The following NMNAT3 variants were observed in gnomAD, a reference collection of about 807,000 sequenced individuals.
NMNAT3 encodes the protein nicotinamide nucleotide adenylyltransferase 3.
In NMNAT3, 21 loss-of-function variants were observed where a neutral mutation model predicts 24.8. That is an observed-to-expected ratio of 0.85 (90% CI 0.60 to 1.22). The LOEUF (loss-of-function observed/expected upper bound fraction) is 1.22, where lower values mean the gene tolerates loss of function less well. Among genes scored for constraint, NMNAT3 ranks in the 50% most tolerant of loss-of-function variants. NMNAT3 has a pLI of 0.00. For missense variants in NMNAT3, 387 were observed against 436.6 expected (o/e 0.89, Z 1.01); for synonymous variants, 136 against 155.2 (o/e 0.88, Z 0.92).
intron 1 of NMNAT3, among the ~76,000 whole-genome samples, chr3:139,667,089 G>T (rs1173726621): frequency 6.6e-6 from 1 of 152,192 alleles, no homozygotes; most frequent in Non-Finnish European, 1.5e-5. Context: ...TCAATATGCT[G>T]ATTTCCTTTC....
chr3:139,573,671 G>C lies in NMNAT3; in HGVS notation c.585C>G (p.His195Gln). Residue 195 changes from histidine (H) to glutamine (Q), a missense_variant, in exon 6 of 7, where the codon CAC (histidine) becomes CAG (glutamine). His to Gln is a conservative substitution (Grantham distance 24). Transcript: ENST00000643695. ...GGGGTGGAGATCTGAGCAGTTTGCT[G>C]TGATGATGCCTGTGTTGTAAACATA... The C allele has an allele frequency of 6.3e-7, 1 of 1,596,596 alleles. No individual in the cohort carries two copies. Among genetic ancestry groups the C allele is most frequent in the Non-Finnish European group, 8.5e-7 (1 of 1,171,342 alleles).
At chr3:139,617,677 T>G (rs901008091) in intron 3 of NMNAT3, among the ~76,000 whole-genome samples, 1 of 152,230 alleles carries the variant, frequency 6.6e-6, no homozygotes, top group Non-Finnish European at 1.5e-5. Context: ...CACACGTGGA[T>G]TATTGCTGAA....
intron 2 of NMNAT3, chr3:139,636,259 A>G (rs895847662): frequency 6.6e-6 from 1 of 152,072 alleles, no homozygotes; most frequent in African/African-American, 2.4e-5. Flanking sequence ...AGAAGTTTCT[A>G]TTGTCCCAGT....
intron 1 of NMNAT3, among the ~76,000 whole-genome samples, chr3:139,652,194 C>T (rs2057078060): frequency 6.6e-6 from 1 of 152,232 alleles, no homozygotes; most frequent in Admixed American, 6.5e-5. Context: ...CACAGCTTCA[C>T]TGCCCTGCAG....
chr3:139,588,850 A>G (rs939054967), intron 3 of NMNAT3, among the ~76,000 whole-genome samples: 6 of 152,230 alleles, frequency 3.9e-5, no homozygotes, highest in African/African-American at 9.6e-5. Context: ...AGGATTAAGT[A>G]TGTTTCCCAG....
intron 2 of NMNAT3, among the ~76,000 whole-genome samples, chr3:139,631,020 C>A (rs1015303397): frequency 1.7e-4 from 26 of 152,092 alleles, no homozygotes; most frequent in African/African-American, 6.3e-4. Context: ...CAAAAGTTCC[C>A]AGAAACTATA....
chr3:139,650,407 C>A (rs2057017365), intron 1 of NMNAT3, among the ~76,000 whole-genome samples: 1 of 152,148 alleles, frequency 6.6e-6, no homozygotes, highest in Admixed American at 6.5e-5. Flanking sequence ...TATGCTTAAC[C>A]AAAATATTTA....
At chr3:139,596,247 G>A (rs2054452669) in intron 3 of NMNAT3, among the ~76,000 whole-genome samples, 3 of 152,124 alleles carry the variant, frequency 2.0e-5, no homozygotes, top group Non-Finnish European at 2.9e-5. Flanking sequence ...AAAGGATAAA[G>A]GCAACATTTA....
chr3:139,675,149 C>CAA (rs796772307), intron 1 of NMNAT3, among the ~76,000 whole-genome samples: 8 of 151,546 alleles, frequency 5.3e-5, no homozygotes, highest in South Asian at 2.1e-4. Flanking sequence ...CACACACACA[C>CAA]ACACACACAC....
chr3:139,619,621 C>T (rs2055669354), intron 3 of NMNAT3, among the ~76,000 whole-genome samples: 1 of 152,118 alleles, frequency 6.6e-6, no homozygotes, highest in Admixed American at 6.5e-5. Flanking sequence ...GCAGCTCATT[C>T]TACAAAGTAG....
intron 3 of NMNAT3, among the ~76,000 whole-genome samples, chr3:139,590,158 T>G (rs2054102657): frequency 6.6e-6 from 1 of 152,176 alleles, no homozygotes; most frequent in Non-Finnish European, 1.5e-5. Context: ...AAGAAGAGTT[T>G]TAGAGATCTT....
At chr3:139,607,270 A>G (rs1017137699) in intron 3 of NMNAT3, among the ~76,000 whole-genome samples, 11 of 152,158 alleles carry the variant, frequency 7.2e-5, no homozygotes, top group African/African-American at 2.7e-4. Context: ...TCATACTGAA[A>G]CCTCCAATTC....
At chr3:139,650,619 T>C (rs182555899) in intron 1 of NMNAT3, among the ~76,000 whole-genome samples, 212 of 152,296 alleles carry the variant, frequency 1.4e-3, no homozygotes, top group Non-Finnish European at 2.3e-3. Context: ...TGACAGTGCT[T>C]TATAAACCAA....
chr3:139,634,152 C>A (rs2056410891), intron 2 of NMNAT3, among the ~76,000 whole-genome samples: 1 of 152,322 alleles, frequency 6.6e-6, no homozygotes, highest in South Asian at 2.1e-4. Flanking sequence ...TTGTCACAGG[C>A]CGTCGCGGAG....
chr3:139,585,803 A>C (rs1248017632), intron 3 of NMNAT3, among the ~76,000 whole-genome samples: 1 of 152,194 alleles, frequency 6.6e-6, no homozygotes, highest in African/African-American at 2.4e-5. Context: ...AAGGCTTCTC[A>C]GAAGTTCTCT....
chr3:139,560,934 G>A lies in NMNAT3; in HGVS notation c.*76C>T. The A allele has an allele frequency of 6.8e-7, 1 of 1,467,222 alleles. No individual in the cohort carries two copies. 90.9% of individuals were successfully genotyped at this position (1,467,222 alleles called of 1,614,324 possible). ...GAAAAATGGAGAAGCAAAAACCAAA[G>A]TAAAACAGAAACCTTAACAGCCCTC... On this transcript the variant is annotated 3_prime_UTR_variant, in exon 7 of 7. Transcript: ENST00000643695.
chr3:139,649,516 G>T (rs1160827647), intron 1 of NMNAT3, among the ~76,000 whole-genome samples: 2 of 152,174 alleles, frequency 1.3e-5, no homozygotes, highest in East Asian at 3.8e-4. Flanking sequence ...TCACACAAAA[G>T]CCAAGGGAAT....
chr3:139,645,997 A>G (rs1049511268), intron 1 of NMNAT3, among the ~76,000 whole-genome samples: 2 of 152,190 alleles, frequency 1.3e-5, no homozygotes, highest in Non-Finnish European at 2.9e-5. Context: ...TTTTTTCATA[A>G]TGGGACTCAG....
chr3:139,596,264 C>T (rs570321122), intron 3 of NMNAT3, among the ~76,000 whole-genome samples: 1 of 152,190 alleles, frequency 6.6e-6, no homozygotes, highest in Non-Finnish European at 1.5e-5. Flanking sequence ...TTTAGGCCTA[C>T]CATAATTTTT....
Sources: gnomAD v4.1 joint callset for allele counts (sites outside exome capture counted in the v4.1 genomes callset) on GRCh38, gnomAD v4.1.1 for gene constraint, MANE v1.5 for transcripts, NCBI Gene and HGNC (gene_info 2026-07-23, HGNC 2026-07-21) for gene names.